Variants in PDS5B observed in about 807,000 individuals in gnomAD.
PDS5B encodes sister chromatid cohesion protein PDS5 homolog B.
PDS5B carries 51 observed loss-of-function variants against 184.1 expected under a neutral mutation model. The observed-to-expected ratio is 0.28, with a 90% confidence interval of 0.22 to 0.35. PDS5B has a LOEUF of 0.35. Among genes scored for constraint, PDS5B ranks in the 10% least tolerant of loss-of-function variants. The pLI is 1.00. For synonymous variants in PDS5B, 566 were observed against 569.2 expected, an observed-to-expected ratio of 0.99 and a Z score of 0.08; for missense variants, 1,180 against 1,723.3, an observed-to-expected ratio of 0.68 and a Z score of 5.58.
At position 32,676,932 on chromosome 13, in the gene PDS5B, CAAAAA is replaced by C. The variant is rs4057303; in HGVS notation, c.962+993_962+997del. On this transcript the variant is annotated intron_variant, in intron 9 of 34. Transcript: ENST00000315596. ...GGCGACAGAGCGAGACTCTTGTCTC[CAAAAA>C]AAAAAAAAAAAAAAAAAAAGATTTA... Among the ~76,000 whole-genome samples the C allele has an allele frequency of 2.3e-3, 183 of 78,830 alleles. 1 individual carries two copies. The highest frequency in any genetic ancestry group is 8.8e-3 in the African/African-American group (173 of 19,726). 51.7% of individuals were successfully genotyped at this position (78,830 alleles called of 152,430 possible).
intron 18 of PDS5B, among the ~76,000 whole-genome samples, chr13:32,709,630 C>T (rs1593478574): frequency 6.6e-6 from 1 of 151,968 alleles, no homozygotes; most frequent in African/African-American, 2.4e-5. Flanking sequence ...CTTCATGTCC[C>T]CTTTTCTCCT....
intron 24 of PDS5B, among the ~76,000 whole-genome samples, chr13:32,752,866 T>C (rs1377681172): frequency 1.3e-5 from 2 of 152,176 alleles, no homozygotes; most frequent in African/African-American, 4.8e-5. Context: ...TTGCTATGTC[T>C]GCCTTAGCCT....
intron 13 of PDS5B, chr13:32,688,846 G>A (rs2140830184): frequency 5.5e-6 from 2 of 365,582 alleles, no homozygotes; most frequent in Non-Finnish European, 1.0e-5. Context: ...AAGAAACGTT[G>A]ATGTACCTAT....
At chr13:32,626,387 C>T (rs531183374) in intron 1 of PDS5B, among the ~76,000 whole-genome samples, 23 of 152,312 alleles carry the variant, frequency 1.5e-4, no homozygotes, top group Admixed American at 1.4e-3. Flanking sequence ...GAGGGCTCAT[C>T]TGCTAAAGTG....
intron 1 of PDS5B, among the ~76,000 whole-genome samples, chr13:32,606,945 A>G (rs554500664): frequency 6.6e-6 from 1 of 152,234 alleles, no homozygotes. Context: ...TACACTGTTC[A>G]TTCTAGTTAG....
At chr13:32,689,940 A>G (rs979903557) in intron 13 of PDS5B, 19 of 152,134 alleles carry the variant, frequency 1.2e-4, no homozygotes, top group African/African-American at 4.1e-4. Context: ...ACTCAGCCCA[A>G]CTGTCATTCA....
intron 30 of PDS5B, among the ~76,000 whole-genome samples, chr13:32,761,769 G>C (rs2141017498): frequency 6.6e-6 from 1 of 152,244 alleles, no homozygotes; most frequent in Non-Finnish European, 1.5e-5. Flanking sequence ...TTAAACAGAT[G>C]AGTGCATGTG....
Position 32,749,530 on chromosome 13 carries a change from AT to A in PDS5B, c.2736+3432del, listed in dbSNP as rs533416432. On this transcript the variant is annotated intron_variant, in intron 24 of 34. Coordinates refer to ENST00000315596, the MANE Select transcript of PDS5B (RefSeq NM_015032.4). ...TTACTTAGATATTTTAGAACTTGGA[AT>A]TCAGTTCATGAAAGATTTACTCTGT... is the stretch of plus-strand genomic sequence containing the variant. Among the ~76,000 whole-genome samples the A allele has an allele frequency of 1.4e-4, 21 of 152,300 alleles. 1 individual carries two copies. In the South Asian group the frequency reaches 4.1e-3, roughly 30 times the overall value.
Position 32,770,748 on chromosome 13 carries a change from C to T in PDS5B, c.4159C>T (p.Pro1387Ser). The T allele has an allele frequency of 6.2e-7, 1 of 1,601,106 alleles. No individual in the cohort carries two copies. The change falls in exon 33 of 35, where the codon CCA (proline) becomes TCA (serine). Residue 1387 changes from proline (P) to serine (S), a missense_variant. Coordinates refer to ENST00000315596, the MANE Select transcript of PDS5B (RefSeq NM_015032.4). ...ATCAAAAACGCCATCACCATCACAA[C>T]CAAAAAAAAATGTGTAAGTTGTAAA... is the stretch of plus-strand genomic sequence containing the variant. ...RPSKTPSPSQPKKNVRVGRSK... is the reference protein window; with the variant it reads ...RPSKTPSPSQSKKNVRVGRSK...
At chr13:32,745,838 T>C in intron 23 of PDS5B, 139 bp from the exon 24 acceptor site, 1 of 667,668 alleles carries the variant, frequency 1.5e-6, no homozygotes, top group Non-Finnish European at 2.5e-6. Flanking sequence ...CATAGGAATT[T>C]TGGGGGACAC....
At chr13:32,647,561 G>A (rs1329430702) in intron 1 of PDS5B, among the ~76,000 whole-genome samples, 2 of 152,154 alleles carry the variant, frequency 1.3e-5, no homozygotes, top group East Asian at 1.9e-4. Flanking sequence ...GATTACAGGC[G>A]TGAGCAATCC....
chr13:32,729,725 G>T (rs529758393), intron 19 of PDS5B, among the ~76,000 whole-genome samples: 18 of 152,152 alleles, frequency 1.2e-4, no homozygotes, highest in Middle Eastern at 3.4e-3. Flanking sequence ...TCATATGTTT[G>T]TTGGCCATAT....
In PDS5B at chr13:32,681,760, C is replaced by T. The variant is rs1044652646; in HGVS notation, c.1058-2118C>T. On this transcript the variant is annotated intron_variant, in intron 10 of 34. Transcript: ENST00000315596. The stretch of plus-strand genomic sequence containing the variant: ...TCATTCCTGACTAGCAGGATCATTT[C>T]ACTTTATCCGTGTGAACCTTATACT... Among the ~76,000 whole-genome samples the T allele has an allele frequency of 2.0e-5, 3 of 152,100 alleles. No individual in the cohort carries two copies. The East Asian group carries it at 5.8e-4, about 29-fold the overall frequency.
chr13:32,765,716 G>T (rs1954563040), intron 31 of PDS5B, among the ~76,000 whole-genome samples: 1 of 152,158 alleles, frequency 6.6e-6, no homozygotes, highest in Non-Finnish European at 1.5e-5. Context: ...TGATTCTCTT[G>T]CATCACCCTC....
chr13:32,674,102 C>T (rs1024489700), intron 8 of PDS5B, among the ~76,000 whole-genome samples: 1 of 152,110 alleles, frequency 6.6e-6, no homozygotes, highest in African/African-American at 2.4e-5. Flanking sequence ...CATAAACCAC[C>T]ACCCCTGACC....
At chr13:32,768,899 A>T in intron 31 of PDS5B, among the ~76,000 whole-genome samples, 1 of 145,976 alleles carries the variant, frequency 6.9e-6, no homozygotes, top group Middle Eastern at 3.5e-3. Flanking sequence ...CAGGAGATTG[A>T]GACCATCCTG....
At chr13:32,717,043 AGCCGCCTCGTCCGGG>A (rs1952470220) in intron 19 of PDS5B, among the ~76,000 whole-genome samples, 1 of 141,646 alleles carries the variant, frequency 7.1e-6, no homozygotes, top group Admixed American at 6.8e-5. Context: ...CCGCCCGGCC[AGCCGCCTCGTCCGGG>A]AGGGAGGTGG....
At chr13:32,629,367 G>A (rs1187041645) in intron 1 of PDS5B, among the ~76,000 whole-genome samples, 1 of 151,756 alleles carries the variant, frequency 6.6e-6, no homozygotes, top group African/African-American at 2.4e-5. Context: ...TTTGGATACC[G>A]AGTGTTGGCT....
intron 24 of PDS5B, among the ~76,000 whole-genome samples, chr13:32,747,695 C>T (rs1953805721): frequency 6.6e-6 from 1 of 151,944 alleles, no homozygotes; most frequent in South Asian, 2.1e-4. Context: ...GTTTAAAAAG[C>T]ATCTATCACG....
Sources: allele counts gnomAD v4.1 joint callset (sites outside exome capture counted in the v4.1 genomes callset), GRCh38; gene constraint gnomAD v4.1.1; transcripts MANE v1.5; gene names NCBI Gene and HGNC (gene_info 2026-07-23, HGNC 2026-07-21).